The following LYST variants were observed in gnomAD, a reference collection of about 807,000 sequenced individuals.
LYST encodes the protein lysosomal-trafficking regulator.
A neutral mutation model predicts 413.6 loss-of-function variants in LYST; 192 were observed. That is an observed-to-expected ratio of 0.46 (90% CI 0.41 to 0.52). The LOEUF (loss-of-function observed/expected upper bound fraction) is 0.52. Ranked by LOEUF, LYST falls within the 20% of genes least tolerant of loss-of-function variation. The pLI is 0.00. For missense variants in LYST, 3,815 were observed against 4,499.9 expected, an observed-to-expected ratio of 0.85 and a Z score of 4.35; for synonymous variants, 1,525 against 1,567.3, an observed-to-expected ratio of 0.97 and a Z score of 0.64.
upstream of LYST, among the ~76,000 whole-genome samples, chr1:235,870,970 A>G (rs1680899308): frequency 6.6e-6 from 1 of 152,252 alleles, no homozygotes; most frequent in South Asian, 2.1e-4. Context: ...GATTTCAGCA[A>G]TAGTAAGAAG....
chr1:235,863,029 G>A (rs1680080979), intron 1 of LYST, among the ~76,000 whole-genome samples: 1 of 152,080 alleles, frequency 6.6e-6, no homozygotes, highest in Non-Finnish European at 1.5e-5. Flanking sequence ...TTAAAAATGA[G>A]TCATTTCCTT....
chr1:235,851,772 T>C (rs1678572082), intron 1 of LYST, among the ~76,000 whole-genome samples: 2 of 152,124 alleles, frequency 1.3e-5, no homozygotes, highest in African/African-American at 2.4e-5. Flanking sequence ...AAATATTTAA[T>C]GGGCTTTGTG....
At position 235,686,744 on chromosome 1, in the gene LYST, GA is replaced by G. The variant is rs937753745; in HGVS notation, c.10800+204del. Among the ~76,000 whole-genome samples the G allele has an allele frequency of 6.6e-6, 1 of 151,742 alleles. No individual in the cohort carries two copies. Among genetic ancestry groups the G allele is most frequent in the Non-Finnish European group, 1.5e-5 (1 of 67,926 alleles). ...AGATCTAACTCAAAATACCGTCTCT[GA>G]AAAAAAATGGGACTACTACAATTGT... On this transcript the variant is annotated intron_variant, in intron 48 of 52. Coordinates refer to ENST00000389793, the MANE Select transcript of LYST (RefSeq NM_000081.4). The surrounding 1 kb of genome is among the most constrained non-coding windows in gnomAD (Gnocchi z 4.0).
intron 14 of LYST, among the ~76,000 whole-genome samples, chr1:235,786,368 A>G (rs1401981546): frequency 6.6e-6 from 1 of 152,230 alleles, no homozygotes; most frequent in Non-Finnish European, 1.5e-5. Context: ...CACACCAGTT[A>G]GAATGGCAAT....
chr1:235,861,619 A>G (rs1679877589), intron 1 of LYST, among the ~76,000 whole-genome samples: 1 of 152,168 alleles, frequency 6.6e-6, no homozygotes, highest in African/African-American at 2.4e-5. Context: ...TAAAGTGTAG[A>G]CCTTAAATTC....
chr1:235,710,375 G>A lies in LYST; in HGVS notation c.9926-1067C>T, dbSNP rs140290105. On this transcript the variant is annotated intron_variant, in intron 43 of 52. Transcript: ENST00000389793. Reference sequence around the variant, plus strand: ...ACTCCATGTGTGTGGCTTCAGGAGCGGCAGCAGCAGGAACTTATTTATTTA... The same window carrying A: ...ACTCCATGTGTGTGGCTTCAGGAGCAGCAGCAGCAGGAACTTATTTATTTA... Among the ~76,000 whole-genome samples, 1,189 of 152,134 alleles carry A rather than the reference G, an allele frequency of 7.8e-3. 14 individuals carry two copies. Among genetic ancestry groups the A allele is most frequent in the African/African-American group, 0.027 (1,124 of 41,488 alleles).
intron 1 of LYST, among the ~76,000 whole-genome samples, chr1:235,872,004 C>T (rs576085672): frequency 7.9e-5 from 12 of 152,164 alleles, no homozygotes; most frequent in South Asian, 6.2e-4. Flanking sequence ...CAGAGTTTTA[C>T]GTAACATGGG....
chr1:235,871,163 C>A (rs1558370700), upstream of LYST, among the ~76,000 whole-genome samples: 1 of 152,170 alleles, frequency 6.6e-6, no homozygotes, highest in East Asian at 1.9e-4. Context: ...TAATTAATGT[C>A]TTCATTAAGT....
At chr1:235,831,796 T>C (rs553238600) in intron 2 of LYST, among the ~76,000 whole-genome samples, 28 of 152,228 alleles carry the variant, frequency 1.8e-4, no homozygotes, top group Non-Finnish European at 3.1e-4. Flanking sequence ...TGGTTCTTTA[T>C]ATGCTTTCAG....
chr1:235,727,111 ACTTT>A (rs1409263416), intron 38 of LYST, among the ~76,000 whole-genome samples: 39 of 145,526 alleles, frequency 2.7e-4, no homozygotes, highest in African/African-American at 7.9e-4. Flanking sequence ...TTCACTCACT[ACTTT>A]CTTTCTTTCT....
rs1310905656 is a variant in LYST at position 235,663,040 on chromosome 1, G to C, written c.11306C>G (p.Ala3769Gly). The C allele has an allele frequency of 1.2e-6, 2 of 1,613,532 alleles. No homozygotes were observed. The highest frequency in any genetic ancestry group is 2.7e-5 in the African/African-American group (2 of 74,748). The change falls in exon 53 of 53, where the codon GCA becomes GGA. Residue 3769 changes from alanine to glycine, a missense_variant. Coordinates refer to ENST00000389793, the MANE Select transcript of LYST (RefSeq NM_000081.4). The stretch of plus-strand genomic sequence containing the variant: ...GGCAATCACGGTCCCATCACTGTTT[G>C]CTGTGTACAAATGGTGGCCATCACA... ...FSCDGHHLYT[A>G]NSDGTVIAWC...
At chr1:235,666,221 TACATACACACACACACACACACAC>T (rs1658439791) in intron 50 of LYST, among the ~76,000 whole-genome samples, 1 of 116,176 alleles carries the variant, frequency 8.6e-6, no homozygotes. Context: ...ATGCAGTATG[TACATACACACACACACACACACAC>T]ACACACACAC....
intron 41 of LYST, 34 bp from the exon 42 acceptor site, chr1:235,715,391 T>G: frequency 6.2e-7 from 1 of 1,609,154 alleles, no homozygotes; most frequent in Non-Finnish European, 8.5e-7. Context: ...GAATTCATGA[T>G]TGTGGGCTCC....
chr1:235,835,101 G>GC (rs376119741), intron 1 of LYST, among the ~76,000 whole-genome samples: 4 of 60,586 alleles, frequency 6.6e-5, no homozygotes, highest in African/African-American at 1.8e-4. Context: ...TATTTTTAAT[G>GC]GGGGGGGGTT....
At chr1:235,877,492 T>C (rs10803119) in intron 1 of LYST, among the ~76,000 whole-genome samples, 124,407 of 152,080 alleles carry the variant, frequency 0.82, 51,366 homozygotes, top group African/African-American at 0.95. Context: ...CTGCAACCTC[T>C]GCCTCCCGGG....
Position 235,755,550 on chromosome 1 carries a change from T to C in LYST, c.7157A>G (p.His2386Arg), listed in dbSNP as rs758888571. The change falls in exon 25 of 53, where the codon CAT becomes CGT. Residue 2386 changes from histidine (H) to arginine (R), a missense_variant. By Grantham distance (29) the His-to-Arg change is conservative. Coordinates refer to ENST00000389793, the MANE Select transcript of LYST (RefSeq NM_000081.4). ...FSLLANQLYL[H>R]RGTQELLECF... ...TTCTAACAATTCTTGAGTTCCTCGA[T>C]GAAGATACAACTGGTTGGCTAGCAA... 6 of 1,613,400 alleles carry C rather than the reference T, an allele frequency of 3.7e-6. No homozygotes were observed. The Admixed American group carries it at 1.0e-4, about 27-fold the overall frequency.
At position 235,759,102 on chromosome 1, in the gene LYST, G is replaced by T; in HGVS notation, c.6751C>A (p.Pro2251Thr). Residue 2251 changes from proline (P) to threonine (T), a missense_variant, in exon 23 of 53, where the codon CCT becomes ACT. Physicochemically the swap from Pro to Thr is conservative, Grantham distance 38. Coordinates refer to ENST00000389793, the MANE Select transcript of LYST (RefSeq NM_000081.4). ...ACAGCTGCAGATCCGTTCTGTGAAG[G>T]AAAAGCTAGCCCAAGGCTTGCAATA... ...STIASLGLAF[P>T]SQNGSAAVGR... The T allele has an allele frequency of 6.2e-7, 1 of 1,614,206 alleles. No individual in the cohort carries two copies. Among genetic ancestry groups the T allele is most frequent in the South Asian group, 1.1e-5 (1 of 91,090 alleles).
chr1:235,712,582 AG>A (rs2103127438), intron 42 of LYST: 1 of 980,862 alleles, frequency 1.0e-6, no homozygotes, highest in Admixed American at 6.1e-5. Context: ...TGAAGAAGGA[AG>A]ATTTAAGTTC....
At chr1:235,663,823 C>T (rs767238172) in intron 52 of LYST, among the ~76,000 whole-genome samples, 161 bp downstream of exon 52, 1 of 152,212 alleles carries the variant, frequency 6.6e-6, no homozygotes, top group Non-Finnish European at 1.5e-5. Flanking sequence ...TGTGGTCTCT[C>T]TTGCTGCTGG....
Sources: gnomAD v4.1 joint callset for allele counts (sites outside exome capture counted in the v4.1 genomes callset) on GRCh38, gnomAD v4.1.1 for gene constraint, Gnocchi (gnomAD v3.1) non-coding constraint, MANE v1.5 for transcripts, NCBI Gene and HGNC (gene_info 2026-07-23, HGNC 2026-07-21) for gene names.